The following LRRC20 variants were observed in gnomAD, a reference collection of about 807,000 sequenced individuals.
LRRC20 encodes the protein leucine rich repeat containing 20.
A neutral mutation model predicts 14.4 loss-of-function variants in LRRC20; 11 were observed. That is an observed-to-expected ratio of 0.77 (90% CI 0.48 to 1.27). The LOEUF (loss-of-function observed/expected upper bound fraction) is 1.27, where lower values mean the gene tolerates loss of function less well. LRRC20 is among the 50% of genes most tolerant of loss of function. The pLI, the probability that LRRC20 is intolerant of heterozygous loss-of-function variation, is 0.00. For synonymous variants in LRRC20, 121 were observed against 107.3 expected (o/e 1.13, Z -0.79); for missense variants, 219 against 251.2 (o/e 0.87, Z 0.87).
chr10:70,359,745 A>G (rs147221946), intron 2 of LRRC20, among the ~76,000 whole-genome samples: 1,586 of 152,206 alleles, frequency 0.01, 24 homozygotes, highest in South Asian at 0.056. Context: ...TTTTGCTGGT[A>G]CTGTTCCCAT....
intron 2 of LRRC20, among the ~76,000 whole-genome samples, chr10:70,360,916 C>T (rs963974306): frequency 2.6e-5 from 4 of 152,064 alleles, no homozygotes; most frequent in Non-Finnish European, 5.9e-5. Flanking sequence ...GTCATAATGG[C>T]ACACGCCTAT....
At chr10:70,344,554 A>C (rs1843012946) in intron 2 of LRRC20, among the ~76,000 whole-genome samples, 1 of 152,146 alleles carries the variant, frequency 6.6e-6, no homozygotes, top group Admixed American at 6.6e-5. Flanking sequence ...AAGTTCACAA[A>C]GATATTTATT....
chr10:70,353,942 G>T (rs1036913223), intron 2 of LRRC20, among the ~76,000 whole-genome samples: 1 of 152,148 alleles, frequency 6.6e-6, no homozygotes, highest in African/African-American at 2.4e-5. Flanking sequence ...ATATAAAAGG[G>T]GACTTAGAGT....
intron 3 of LRRC20, among the ~76,000 whole-genome samples, chr10:70,332,784 T>G (rs1842585938): frequency 6.6e-6 from 1 of 152,244 alleles, no homozygotes; most frequent in Non-Finnish European, 1.5e-5. Context: ...TATATTTATA[T>G]TTACATAGGC....
At chr10:70,334,419 G>A (rs761494385) in intron 3 of LRRC20, among the ~76,000 whole-genome samples, 3 of 152,136 alleles carry the variant, frequency 2.0e-5, no homozygotes, top group Admixed American at 1.3e-4. Context: ...TTCTGAGGAC[G>A]GTTCCCTTGC....
intron 3 of LRRC20, among the ~76,000 whole-genome samples, chr10:70,332,242 A>G (rs1386949898): frequency 2.0e-5 from 3 of 152,202 alleles, no homozygotes; most frequent in Non-Finnish European, 4.4e-5. Context: ...GCATTTCCAG[A>G]TGCCACACTC....
At chr10:70,325,808 C>T (rs1016048261) in intron 3 of LRRC20, among the ~76,000 whole-genome samples, 6 of 152,290 alleles carry the variant, frequency 3.9e-5, no homozygotes, top group African/African-American at 1.4e-4. Flanking sequence ...GTCCTTCCTC[C>T]CTTCTGCCTT....
chr10:70,360,500 G>A (rs905317831), intron 2 of LRRC20, among the ~76,000 whole-genome samples: 1 of 152,122 alleles, frequency 6.6e-6, no homozygotes, highest in Non-Finnish European at 1.5e-5. Context: ...GCAGTGGCAT[G>A]ATCATAGCTT....
chr10:70,319,032 C>T (rs899037621), intron 4 of LRRC20, among the ~76,000 whole-genome samples: 36 of 152,088 alleles, frequency 2.4e-4, no homozygotes, highest in African/African-American at 8.2e-4. Context: ...GCCTCAAACT[C>T]CTGGGCTCAA....
intron 2 of LRRC20, among the ~76,000 whole-genome samples, chr10:70,366,151 C>T (rs545016718): frequency 4.1e-4 from 61 of 150,116 alleles, no homozygotes; most frequent in Non-Finnish European, 8.1e-4. Flanking sequence ...CGGCCAGGAA[C>T]GTGGCTCATG....
At chr10:70,346,607 T>C (rs1447136321) in intron 2 of LRRC20, among the ~76,000 whole-genome samples, 1 of 152,126 alleles carries the variant, frequency 6.6e-6, no homozygotes, top group Non-Finnish European at 1.5e-5. Context: ...AGCGTAGGGT[T>C]TTTTTCTGAA....
At chr10:70,330,344 G>C (rs1358127511) in intron 3 of LRRC20, among the ~76,000 whole-genome samples, 1 of 152,090 alleles carries the variant, frequency 6.6e-6, no homozygotes, top group Admixed American at 6.5e-5. Flanking sequence ...GTGGTTTGTG[G>C]TTCTCAAGAA....
At chr10:70,376,727 A>C (rs1589134114) in intron 1 of LRRC20, 131 bp from the exon 2 acceptor site, 1 of 585,002 alleles carries the variant, frequency 1.7e-6, no homozygotes, top group Non-Finnish European at 3.0e-6. Context: ...CAGGCCACTC[A>C]CCTCCTCTTG....
intron 3 of LRRC20, among the ~76,000 whole-genome samples, chr10:70,329,843 G>A (rs1842469496): frequency 6.6e-6 from 1 of 152,170 alleles, no homozygotes; most frequent in South Asian, 2.1e-4. Flanking sequence ...GGGATTACAG[G>A]CGTGAGCCAC....
chr10:70,330,606 T>A, intron 3 of LRRC20, among the ~76,000 whole-genome samples: 1 of 152,242 alleles, frequency 6.6e-6, no homozygotes, highest in South Asian at 2.1e-4. Flanking sequence ...AATCTCCAGG[T>A]AGCCAAATCT....
chr10:70,321,797 A>C (rs1224709443), intron 4 of LRRC20, among the ~76,000 whole-genome samples: 1 of 152,210 alleles, frequency 6.6e-6, no homozygotes, highest in Non-Finnish European at 1.5e-5. Flanking sequence ...CTTGGCCATG[A>C]AGGCTTAGAG....
chr10:70,375,893 G>C (rs1844490915), intron 2 of LRRC20, among the ~76,000 whole-genome samples: 1 of 152,056 alleles, frequency 6.6e-6, no homozygotes, highest in Non-Finnish European at 1.5e-5. Context: ...AGGAGTCTTG[G>C]GGTAATTGAT....
At chr10:70,381,014 CAG>C (rs992161410) in intron 1 of LRRC20, among the ~76,000 whole-genome samples, 2 of 152,190 alleles carry the variant, frequency 1.3e-5, no homozygotes, top group Non-Finnish European at 2.9e-5. Flanking sequence ...GAGAGAGAGA[CAG>C]GGAGCCAATG....
rs964958578 is a variant in LRRC20 at position 70,382,561 on chromosome 10, T to C, written c.-76A>G. On this transcript the variant is annotated 5_prime_UTR_variant, in exon 1 of 5. Transcript: ENST00000446961. Reference sequence around the variant, plus strand: ...TGGCTCCACTTACGGCGACAATGCCTCCTAGCGCCCTGCGCAGCGCAGTCA... The same window carrying C: ...TGGCTCCACTTACGGCGACAATGCCCCCTAGCGCCCTGCGCAGCGCAGTCA... 1.3e-5 allele frequency: 2 copies of C among 152,024 alleles called. No individual in the cohort carries two copies. 9.4% of individuals were successfully genotyped at this position (152,024 alleles called of 1,614,324 possible).
Sources: gnomAD v4.1 joint callset for allele counts (sites outside exome capture counted in the v4.1 genomes callset) on GRCh38, gnomAD v4.1.1 for gene constraint, MANE v1.5 for transcripts, NCBI Gene and HGNC (gene_info 2026-07-23, HGNC 2026-07-21) for gene names.